USP34: variants seen among roughly 807,000 people sequenced by gnomAD.
USP34 encodes ubiquitin specific peptidase 34, also known as ubiquitin carboxyl-terminal hydrolase 34.
In USP34, 70 loss-of-function variants were observed where a neutral mutation model predicts 460.3. The observed-to-expected ratio is 0.15, with a 90% CI of 0.13 to 0.19. The LOEUF is 0.19. Among genes scored for constraint, USP34 ranks in the 10% least tolerant of loss-of-function variants. The pLI, the probability that USP34 is intolerant of heterozygous loss-of-function variation, is 1.00. For synonymous variants in USP34, 1,647 were observed against 1,405.3 expected, an observed-to-expected ratio of 1.17 and a Z score of -3.85; for missense variants, 3,985 against 4,236.2, an observed-to-expected ratio of 0.94 and a Z score of 1.65.
chr2:61,438,600 C>T (rs1694881499), intron 1 of USP34, among the ~76,000 whole-genome samples: 2 of 123,666 alleles, frequency 1.6e-5, no homozygotes, highest in Non-Finnish European at 3.3e-5. Context: ...GACTCCATCT[C>T]AAAAACAAAA....
chr2:61,470,768 G>A lies in USP34; in HGVS notation c.-76C>T. The A allele has an allele frequency of 5.3e-6, 7 of 1,329,078 alleles. No individual in the cohort carries two copies. Among genetic ancestry groups the A allele is most frequent in the Non-Finnish European group, 7.3e-6 (7 of 955,162 alleles). 82.3% of individuals were successfully genotyped at this position (1,329,078 alleles called of 1,614,324 possible). On this transcript the variant is annotated 5_prime_UTR_variant, in exon 1 of 80. Transcript: ENST00000398571. The stretch of plus-strand genomic sequence containing the variant: ...CCCGACCGGCGGGGGGGAGGGGAGA[G>A]AGGCGGAGGAGGGGGCCGGCCGGCC...
At chr2:61,369,464 G>A (rs1265332915) in intron 10 of USP34, among the ~76,000 whole-genome samples, 3 of 151,912 alleles carry the variant, frequency 2.0e-5, no homozygotes, top group African/African-American at 2.4e-5. Flanking sequence ...CCAACATAGC[G>A]AAACCTTATC....
At chr2:61,464,009 TGTAAA>T (rs1269226087) in intron 1 of USP34, among the ~76,000 whole-genome samples, 2 of 152,296 alleles carry the variant, frequency 1.3e-5, no homozygotes, top group Non-Finnish European at 2.9e-5. Context: ...ATGCAAAGCA[TGTAAA>T]GTACTTAAGT....
At chr2:61,211,316 A>G (rs1274652947) in intron 69 of USP34, among the ~76,000 whole-genome samples, 2 of 152,342 alleles carry the variant, frequency 1.3e-5, no homozygotes, top group East Asian at 1.9e-4. Flanking sequence ...TAACCATTCA[A>G]TAACTTCTGT....
In USP34 at chr2:61,451,063, T is replaced by TA. The variant is rs890788882; in HGVS notation, c.43+19586dup. 1.1e-4 allele frequency among the ~76,000 whole-genome samples: 16 copies of TA among 149,006 alleles called. No individual in the cohort carries two copies. In the East Asian group the frequency reaches 2.4e-3, roughly 22 times the overall value. ...TGAAACCCCATCTCTACTAAAAATG[T>TA]AAAAAAAATTGGCTGGGCATGGTGG... is the stretch of plus-strand genomic sequence containing the variant. On this transcript the variant is annotated intron_variant, in intron 1 of 79. Transcript: ENST00000398571.
chr2:61,218,807 T>A (rs1687476223), intron 67 of USP34, among the ~76,000 whole-genome samples: 1 of 152,206 alleles, frequency 6.6e-6, no homozygotes, highest in Admixed American at 6.5e-5. Flanking sequence ...CCACAAGAGA[T>A]GAAGTGCCCT....
chr2:61,407,642 A>G (rs1006399449), intron 2 of USP34, among the ~76,000 whole-genome samples: 2 of 152,224 alleles, frequency 1.3e-5, no homozygotes, highest in African/African-American at 4.8e-5. Flanking sequence ...CTTCTAGTGA[A>G]TAGAAAGTGG....
At chr2:61,271,749 G>C (rs972537267) in intron 41 of USP34, among the ~76,000 whole-genome samples, 1 of 152,132 alleles carries the variant, frequency 6.6e-6, no homozygotes, top group African/African-American at 2.4e-5. Flanking sequence ...TAGTGTTGCT[G>C]ATGACAGATT....
chr2:61,309,035 A>AAACAACAAC (rs568927718), intron 27 of USP34, among the ~76,000 whole-genome samples: 13 of 151,394 alleles, frequency 8.6e-5, no homozygotes, highest in African/African-American at 2.7e-4. Flanking sequence ...ACTATCTCAA[A>AAACAACAAC]AACAACAACA....
intron 1 of USP34, among the ~76,000 whole-genome samples, chr2:61,430,763 A>C (rs919265484): frequency 6.6e-5 from 10 of 152,272 alleles, no homozygotes; most frequent in Admixed American, 6.5e-4. Flanking sequence ...CGTATTAAGA[A>C]ATTACTCTTG....
chr2:61,220,261 C>G, intron 67 of USP34, 49 bp downstream of exon 67: 3 of 1,406,538 alleles, frequency 2.1e-6, no homozygotes, highest in Non-Finnish European at 1.9e-6. Context: ...TGAAACATAA[C>G]TTTGAACAAT....
intron 69 of USP34, among the ~76,000 whole-genome samples, chr2:61,209,196 A>G (rs759900634): frequency 6.6e-6 from 1 of 152,218 alleles, no homozygotes; most frequent in African/African-American, 2.4e-5. Flanking sequence ...ATCAACTGCT[A>G]ATTATCTACA....
chr2:61,409,231 A>C (rs1001452922), intron 2 of USP34, among the ~76,000 whole-genome samples: 5 of 151,296 alleles, frequency 3.3e-5, no homozygotes, highest in Admixed American at 6.6e-5. Context: ...AAACATAAAA[A>C]ACTTAGAAAA....
rs557989865 is a variant in USP34 at position 61,306,792 on chromosome 2, G to A, written c.3817+4748C>T. ...ACCATCTCACACCAGTTAGAATGGC[G>A]ATCATTAAAAAGTCAGGAAACAACA... On this transcript the variant is annotated intron_variant, in intron 27 of 79. Coordinates refer to ENST00000398571, the MANE Select transcript of USP34 (RefSeq NM_014709.4). Among the ~76,000 whole-genome samples the A allele has an allele frequency of 2.8e-3, 426 of 152,194 alleles. 1 individual carries two copies. Among genetic ancestry groups the A allele is most frequent in the East Asian group, 0.01 (53 of 5,172 alleles).
chr2:61,261,957 G>A (rs533356809), intron 43 of USP34, among the ~76,000 whole-genome samples: 64 of 151,608 alleles, frequency 4.2e-4, no homozygotes, highest in African/African-American at 1.5e-3. Flanking sequence ...ACAAAAATTA[G>A]CCAGGTGCCT....
chr2:61,325,954 A>G (rs1691074565), intron 20 of USP34, among the ~76,000 whole-genome samples: 2 of 152,148 alleles, frequency 1.3e-5, no homozygotes, highest in African/African-American at 2.4e-5. Flanking sequence ...TCCAATCTAA[A>G]TAATTATAAT....
Position 61,405,835 on chromosome 2 carries a change from C to G in USP34, c.425G>C (p.Ser142Thr), listed in dbSNP as rs754333429. The G allele has an allele frequency of 1.2e-6, 2 of 1,613,796 alleles. No individual in the cohort carries two copies. The highest frequency in any genetic ancestry group is 1.7e-5 in the Admixed American group (1 of 59,954). The change falls in exon 3 of 80, where the codon AGT becomes ACT. Residue 142 changes from serine (S) to threonine (T), a missense_variant. Physicochemically the swap from Ser to Thr is moderately conservative, Grantham distance 58 (BLOSUM62 1). Transcript: ENST00000398571. ...ACTCCATAAACTAAAAGGATCAGAA[C>G]TCTTTGAAGATTCCTCCTCAGTCAG... ...CNLTEEESSK[S>T]SDPFSLWSTD...
intron 27 of USP34, among the ~76,000 whole-genome samples, chr2:61,302,486 T>G (rs1173704428): frequency 6.6e-6 from 1 of 152,234 alleles, no homozygotes. Flanking sequence ...CTATGATTCT[T>G]TCCCTTTCTC....
At chr2:61,288,427 A>G (rs1689753400) in intron 34 of USP34, among the ~76,000 whole-genome samples, 1 of 152,226 alleles carries the variant, frequency 6.6e-6, no homozygotes, top group Admixed American at 6.5e-5. Context: ...CAAAGTATAT[A>G]AATTACTGAG....
Sources: allele counts gnomAD v4.1 joint callset (sites outside exome capture counted in the v4.1 genomes callset), GRCh38; gene constraint gnomAD v4.1.1; transcripts MANE v1.5; gene names NCBI Gene and HGNC (gene_info 2026-07-23, HGNC 2026-07-21).